The following VPS13A variants were observed in gnomAD, a reference collection of about 807,000 sequenced individuals.
VPS13A encodes vacuolar protein sorting 13 homolog A.
VPS13A carries 264 observed loss-of-function variants against 390.9 expected under a neutral mutation model. The observed-to-expected ratio is 0.68, with a 90% CI of 0.61 to 0.75. VPS13A has a LOEUF of 0.75. VPS13A is among the 30% of genes least tolerant of loss of function. The pLI is 0.00. For missense variants in VPS13A, 3,409 were observed against 3,733.9 expected, an observed-to-expected ratio of 0.91 and a Z score of 2.27; for synonymous variants, 1,231 against 1,227.1, an observed-to-expected ratio of 1.00 and a Z score of -0.07.
chr9:77,202,413 T>G (rs1288539914), intron 3 of VPS13A, among the ~76,000 whole-genome samples: 1 of 152,174 alleles, frequency 6.6e-6, no homozygotes, highest in African/African-American at 2.4e-5. Flanking sequence ...GTAATTATGC[T>G]ATTTTTACAG....
At chr9:77,341,729 T>C (rs1226266396) in intron 50 of VPS13A, among the ~76,000 whole-genome samples, 5 of 141,958 alleles carry the variant, frequency 3.5e-5, no homozygotes. Flanking sequence ...TTGCTTTTGC[T>C]GTGTCTGAAC....
intron 53 of VPS13A, among the ~76,000 whole-genome samples, chr9:77,352,010 A>G (rs1831501624): frequency 6.6e-6 from 1 of 152,268 alleles, no homozygotes; most frequent in Non-Finnish European, 1.5e-5. Context: ...GTTTAAAACC[A>G]AAAGTAGTCT....
chr9:77,310,361 T>C (rs1587550316), intron 35 of VPS13A, among the ~76,000 whole-genome samples: 1 of 152,178 alleles, frequency 6.6e-6, no homozygotes, highest in African/African-American at 2.4e-5. Flanking sequence ...AAGAATGTCT[T>C]ATAGAAGAAA....
intron 5 of VPS13A, among the ~76,000 whole-genome samples, chr9:77,207,863 T>TTTG (rs532333838): frequency 3.2e-4 from 49 of 152,280 alleles, no homozygotes; most frequent in East Asian, 3.1e-3. Flanking sequence ...GACTTGGATT[T>TTTG]TTGTTGTTGT....
intron 71 of VPS13A, among the ~76,000 whole-genome samples, chr9:77,408,833 G>A (rs946260940): frequency 3.9e-5 from 6 of 152,220 alleles, no homozygotes; most frequent in East Asian, 3.9e-4. Context: ...ACAGCTCAAG[G>A]AGGCCTGCCT....
chr9:77,201,148 C>T (rs1051065650), intron 2 of VPS13A, among the ~76,000 whole-genome samples: 1 of 151,856 alleles, frequency 6.6e-6, no homozygotes, highest in African/African-American at 2.4e-5. Context: ...CCTTTATCCC[C>T]AATTATTATT....
At chr9:77,362,243 T>C (rs775683121) in intron 59 of VPS13A, among the ~76,000 whole-genome samples, 3 of 152,146 alleles carry the variant, frequency 2.0e-5, no homozygotes, top group Non-Finnish European at 4.4e-5. Context: ...TCCAAGGTCA[T>C]GAATATCTTA....
intron 67 of VPS13A, among the ~76,000 whole-genome samples, chr9:77,380,016 T>C (rs1833342597): frequency 6.6e-6 from 1 of 152,162 alleles, no homozygotes; most frequent in Non-Finnish European, 1.5e-5. Flanking sequence ...GTTTTGTGTA[T>C]TTGGGGCTTC....
rs751592166 is a variant in VPS13A at position 77,416,379 on chromosome 9, T to C, written c.*373T>C. 1 of 228,330 alleles carries C rather than the reference T, an allele frequency of 4.4e-6. No individual in the cohort carries two copies. Among genetic ancestry groups the C allele is most frequent in the Non-Finnish European group, 8.8e-6 (1 of 113,482 alleles). 14.1% of individuals were successfully genotyped at this position (228,330 alleles called of 1,614,324 possible). A position where few individuals can be genotyped will look rare whatever the true frequency, so the allele number is the denominator to read the frequency against. ...CATCTCCACATGGAGCCAAGTTTAA[T>C]GTTTCTAGTTCACATTTTGTACTTC... On this transcript the variant is annotated 3_prime_UTR_variant, in exon 72 of 72. Transcript: ENST00000360280.
chr9:77,218,541 A>G (rs553303720), intron 10 of VPS13A, among the ~76,000 whole-genome samples: 1 of 152,058 alleles, frequency 6.6e-6, no homozygotes, highest in African/African-American at 2.4e-5. Flanking sequence ...CTACAGTTTG[A>G]TATTTTAATA....
rs953447652 is a variant in VPS13A at position 77,419,101 on chromosome 9, G to A, written c.*3095G>A. 6.6e-6 allele frequency: 1 copy of A among 152,130 alleles called. No individual in the cohort carries two copies. The highest frequency in any genetic ancestry group is 6.5e-5 in the Admixed American group (1 of 15,270). 9.4% of individuals were successfully genotyped at this position (152,130 alleles called of 1,614,324 possible). ...TACATTGACAGTGGATGCTTTCATG[G>A]CTCAGCCAACACAGTTCAGAGGAAT... On this transcript the variant is annotated 3_prime_UTR_variant, in exon 72 of 72. Transcript: ENST00000360280.
In VPS13A at chr9:77,243,843, G is replaced by C. The variant is rs528031538; in HGVS notation, c.1901-3416G>C. Among the ~76,000 whole-genome samples the C allele has an allele frequency of 4.0e-4, 61 of 152,198 alleles. 1 individual carries two copies. The highest frequency in any genetic ancestry group is 1.4e-3 in the African/African-American group (60 of 41,528). Reference sequence around the variant, plus strand: ...ATTAATGCTGTATGGGTCCAATCAGGAAAGAAAAACCACACAGTAATTTTG... The same window carrying C: ...ATTAATGCTGTATGGGTCCAATCAGCAAAGAAAAACCACACAGTAATTTTG... On this transcript the variant is annotated intron_variant, in intron 19 of 71. Coordinates refer to ENST00000360280, the MANE Select transcript of VPS13A (RefSeq NM_033305.3).
In VPS13A at chr9:77,365,319, G is replaced by A. The variant is rs1587666613; in HGVS notation, c.8212-141G>A. On this transcript the variant is annotated intron_variant, in intron 59 of 71. Coordinates refer to ENST00000360280, the MANE Select transcript of VPS13A (RefSeq NM_033305.3). Reference sequence around the variant, plus strand: ...ACAGAACTGTCCTATAGATAGAGATGTTACTTTCCCTTCTGAGGCAATCAT... The same window carrying A: ...ACAGAACTGTCCTATAGATAGAGATATTACTTTCCCTTCTGAGGCAATCAT... 3 of 641,850 alleles carry A rather than the reference G, an allele frequency of 4.7e-6. No homozygotes were observed. In the East Asian group the frequency reaches 8.4e-5, roughly 18 times the overall value. The allele number at this position is 641,850 out of a possible 1,614,324, so 39.8% of individuals were successfully genotyped here.
chr9:77,239,731 T>G (rs566490867), intron 19 of VPS13A, among the ~76,000 whole-genome samples: 1 of 152,066 alleles, frequency 6.6e-6, no homozygotes, highest in African/African-American at 2.4e-5. Flanking sequence ...TTTAGGCTTA[T>G]GTCTAACATC....
At chr9:77,260,994 G>A (rs1825729894) in intron 23 of VPS13A, among the ~76,000 whole-genome samples, 1 of 151,728 alleles carries the variant, frequency 6.6e-6, no homozygotes. Flanking sequence ...TGTCTCTTGG[G>A]TTCAAGCAGT....
At position 77,382,047 on chromosome 9, in the gene VPS13A, C is replaced by A. The variant is rs201107739; in HGVS notation, c.9149C>A (p.Pro3050Gln). The stretch of plus-strand genomic sequence containing the variant: ...TTCAATGAAGATGGAGTTATCAGAC[C>A]GTACAGGTTGAGGGATGGGACTGGA... ...RFFNEDGVIRPYRLRDGTGNQ... is the reference protein window; with the variant it reads ...RFFNEDGVIRQYRLRDGTGNQ... The change falls in exon 68 of 72, where the codon CCG becomes CAG. Residue 3050 changes from proline to glutamine, a missense_variant. Physicochemically the swap from Pro to Gln is moderately conservative, Grantham distance 76 (BLOSUM62 -1). Around this residue, in one of 5 missense-constraint regions of VPS13A, gnomAD observed 318 missense variants for 333.7 expected, o/e 0.95. Coordinates refer to ENST00000360280, the MANE Select transcript of VPS13A (RefSeq NM_033305.3). 1 of 1,608,008 alleles carries A rather than the reference C, an allele frequency of 6.2e-7. No individual in the cohort carries two copies. Among genetic ancestry groups the A allele is most frequent in the South Asian group, 1.1e-5 (1 of 89,782 alleles).
intron 12 of VPS13A, 109 bp downstream of exon 12, chr9:77,220,492 A>G (rs1823146384): frequency 1.3e-6 from 1 of 761,960 alleles, no homozygotes; most frequent in East Asian, 2.7e-5. Context: ...AAGGTCTGAT[A>G]CAAACCATAA....
At chr9:77,207,253 A>ATATATATATATAT (rs68085065) in intron 5 of VPS13A, among the ~76,000 whole-genome samples, 5 of 91,576 alleles carry the variant, frequency 5.5e-5, no homozygotes, top group Non-Finnish European at 9.0e-5. Flanking sequence ...ATATATATAT[A>ATATATATATATAT]AAACGTGTTA....
chr9:77,283,362 A>T lies in VPS13A; in HGVS notation c.3126A>T (p.Lys1042Asn). Residue 1042 changes from lysine to asparagine, a missense_variant, in exon 30 of 72, where the codon AAA (lysine) becomes AAT (asparagine). Transcript: ENST00000360280. ...KGDVIKKLALKLSTNEDIITL... is the reference protein window; with the variant it reads ...KGDVIKKLALNLSTNEDIITL... ...ATGAATTTTTTTTTGCAGCTTTAAA[A>T]CTATCCACAAATGAAGATATCATTA... 1 of 1,588,454 alleles carries T rather than the reference A, an allele frequency of 6.3e-7. No homozygotes were observed. Among genetic ancestry groups the T allele is most frequent in the South Asian group, 1.1e-5 (1 of 89,516 alleles).
Sources: allele counts gnomAD v4.1 joint callset (sites outside exome capture counted in the v4.1 genomes callset), GRCh38; gene constraint gnomAD v4.1.1; regional missense constraint gnomAD v4.1.1; transcripts MANE v1.5; gene names NCBI Gene and HGNC (gene_info 2026-07-23, HGNC 2026-07-21).